The following RANBP2 variants were observed in gnomAD, a reference collection of about 807,000 sequenced individuals.
RANBP2 encodes the protein E3 SUMO-protein ligase RanBP2.
In RANBP2, 57 loss-of-function variants were observed where a neutral mutation model predicts 303.6. That is an observed-to-expected ratio of 0.19 (90% CI 0.15 to 0.23). The LOEUF (loss-of-function observed/expected upper bound fraction) is 0.23. Ranked by LOEUF, RANBP2 falls within the 10% of genes least tolerant of loss-of-function variation. The pLI is 1.00. For missense variants in RANBP2, 3,138 were observed against 3,780.8 expected, an observed-to-expected ratio of 0.83 and a Z score of 4.46; for synonymous variants, 1,167 against 1,301.5, an observed-to-expected ratio of 0.90 and a Z score of 2.23.
the RANBP2 span, among the ~76,000 whole-genome samples, chr2:109,541,017 T>C: frequency 6.6e-6 from 1 of 152,254 alleles, no homozygotes; most frequent in South Asian, 2.1e-4. Flanking sequence ...ACCATATTAC[T>C]ACATGCGTTC....
chr2:108,907,077 C>A, the RANBP2 span, among the ~76,000 whole-genome samples: 3 of 152,366 alleles, frequency 2.0e-5, no homozygotes, highest in African/African-American at 7.2e-5. Context: ...CTCTGGCCAC[C>A]TTTGCCCTCA....
chr2:109,389,011 C>T, the RANBP2 span, among the ~76,000 whole-genome samples: 2 of 152,218 alleles, frequency 1.3e-5, no homozygotes, highest in Non-Finnish European at 2.9e-5. Flanking sequence ...ATGCACCATC[C>T]CTCCAGCTAC....
At chr2:109,317,763 G>A in the RANBP2 span, among the ~76,000 whole-genome samples, 3 of 152,162 alleles carry the variant, frequency 2.0e-5, no homozygotes, top group South Asian at 4.1e-4. Flanking sequence ...GCTTCTGCTC[G>A]TGAGTGCCTT....
chr2:109,394,538 C>T, the RANBP2 span, among the ~76,000 whole-genome samples: 2 of 152,164 alleles, frequency 1.3e-5, no homozygotes, highest in Non-Finnish European at 2.9e-5. Context: ...GATAAAGTTA[C>T]CGAGATGTTT....
At chr2:108,727,365 C>T (rs1233612161) in intron 1 of RANBP2, among the ~76,000 whole-genome samples, 1 of 152,134 alleles carries the variant, frequency 6.6e-6, no homozygotes, top group Admixed American at 6.5e-5. Context: ...TGTTGTGACA[C>T]CCCAAACTGC....
the RANBP2 span, among the ~76,000 whole-genome samples, chr2:109,609,077 A>C: frequency 6.6e-6 from 1 of 152,210 alleles, no homozygotes; most frequent in African/African-American, 2.4e-5. Context: ...ATCCAAACAT[A>C]ACCTGGCACT....
At chr2:108,874,961 A>T in the RANBP2 span, among the ~76,000 whole-genome samples, 1 of 151,810 alleles carries the variant, frequency 6.6e-6, no homozygotes, top group Non-Finnish European at 1.5e-5. Context: ...TGCAAGTATA[A>T]CCTTGGGCCA....
At chr2:108,906,417 G>T in the RANBP2 span, 3 of 1,601,840 alleles carry the variant, frequency 1.9e-6, no homozygotes, top group Non-Finnish European at 2.6e-6. Flanking sequence ...GGCAACAGTA[G>T]AAAGGAGGCA....
the RANBP2 span, among the ~76,000 whole-genome samples, chr2:108,965,575 G>A: frequency 1.2e-4 from 18 of 152,158 alleles, no homozygotes; most frequent in African/African-American, 4.3e-4. Context: ...TACCCCATCA[G>A]GATTTTCTCC....
At chr2:109,367,561 C>T in the RANBP2 span, among the ~76,000 whole-genome samples, 1 of 151,918 alleles carries the variant, frequency 6.6e-6, no homozygotes, top group African/African-American at 2.4e-5. Context: ...GGATTACAGG[C>T]ATGAGCCACT....
the RANBP2 span, among the ~76,000 whole-genome samples, chr2:109,390,622 T>A: frequency 1.5e-4 from 23 of 152,124 alleles, no homozygotes; most frequent in Non-Finnish European, 2.6e-4. Flanking sequence ...GACATAACTA[T>A]GACAAAGGTG....
the RANBP2 span, among the ~76,000 whole-genome samples, chr2:108,839,492 C>T: frequency 3.9e-5 from 6 of 152,182 alleles, no homozygotes; most frequent in East Asian, 1.2e-3. Flanking sequence ...TGACATCTTT[C>T]CTTTGTTGAG....
the RANBP2 span, chr2:108,878,414 G>A: frequency 4.6e-6 from 1 of 215,712 alleles, no homozygotes; most frequent in Non-Finnish European, 9.9e-6. Context: ...AATAAAATCA[G>A]GTACAGTTCC....
chr2:109,123,352 T>TTCCTTCCC, the RANBP2 span, among the ~76,000 whole-genome samples: 1 of 146,762 alleles, frequency 6.8e-6, no homozygotes, highest in Non-Finnish European at 1.5e-5. Context: ...CCTTCCTTCC[T>TTCCTTCCC]TCCTTCCTTC....
chr2:108,833,726 CTTT>C, the RANBP2 span, among the ~76,000 whole-genome samples: 15 of 91,032 alleles, frequency 1.6e-4, no homozygotes, highest in Non-Finnish European at 2.0e-4. Context: ...GTGGAGTAAA[CTTT>C]TTTTTTTTTT....
the RANBP2 span, chr2:108,812,990 C>T: frequency 7.2e-7 from 1 of 1,379,848 alleles, no homozygotes; most frequent in Non-Finnish European, 1.0e-6. Context: ...TGGCTCACAC[C>T]TGTAATCCCA....
At chr2:108,807,698 A>C in the RANBP2 span, among the ~76,000 whole-genome samples, 2 of 152,020 alleles carry the variant, frequency 1.3e-5, no homozygotes, top group Non-Finnish European at 2.9e-5. Context: ...GCTCACTGCA[A>C]CCTCTGCCTT....
At chr2:109,697,682 G>A in the RANBP2 span, among the ~76,000 whole-genome samples, 2 of 151,928 alleles carry the variant, frequency 1.3e-5, no homozygotes, top group African/African-American at 4.8e-5. Flanking sequence ...GCAAATTAGG[G>A]TATTTATTTC....
the RANBP2 span, among the ~76,000 whole-genome samples, chr2:109,112,529 A>G: frequency 6.6e-6 from 1 of 151,886 alleles, no homozygotes; most frequent in Non-Finnish European, 1.5e-5. Context: ...GATTCTGGAT[A>G]TTAGCCCTTT....
Sources: allele counts gnomAD v4.1 joint callset (sites outside exome capture counted in the v4.1 genomes callset), GRCh38; gene constraint gnomAD v4.1.1; transcripts MANE v1.5; gene names NCBI Gene and HGNC (gene_info 2026-07-23, HGNC 2026-07-21).